SMYD3: variants seen among roughly 807,000 people sequenced by gnomAD.
SMYD3 encodes histone-lysine N-methyltransferase SMYD3.
SMYD3 carries 36 observed loss-of-function variants against 57.7 expected under a neutral mutation model. The ratio of observed to expected loss-of-function variants is 0.62; its 90% confidence interval spans 0.48 to 0.82. SMYD3 has a LOEUF of 0.82. Ranked by LOEUF, SMYD3 falls within the 40% of genes least tolerant of loss-of-function variation. SMYD3 has a pLI of 0.00. For missense variants in SMYD3, 515 were observed against 538.8 expected (o/e 0.96, Z 0.44); for synonymous variants, 211 against 195.0 (o/e 1.08, Z -0.68).
chr1:245,986,626 G>C (rs1034663927), intron 5 of SMYD3, among the ~76,000 whole-genome samples: 1 of 152,054 alleles, frequency 6.6e-6, no homozygotes, highest in Non-Finnish European at 1.5e-5. Flanking sequence ...CTTCAGTGAC[G>C]GTTTTACTGC....
rs535974080 is a variant in SMYD3, at chr1:245,925,193, G to A, written c.702+2738C>T. Reference sequence around the variant, plus strand: ...CAAAATGTCTAAAATTTTTTCCCAAGGAATTTTAACTTTCAAAAAATTAAT... The same window carrying A: ...CAAAATGTCTAAAATTTTTTCCCAAAGAATTTTAACTTTCAAAAAATTAAT... On this transcript the variant is annotated intron_variant, in intron 7 of 11. Coordinates refer to ENST00000490107, the MANE Select transcript of SMYD3 (RefSeq NM_001167740.2). 1.9e-3 allele frequency among the ~76,000 whole-genome samples: 291 copies of A among 152,070 alleles called. 1 individual carries two copies. Among genetic ancestry groups the A allele is most frequent in the African/African-American group, 6.8e-3 (280 of 41,460 alleles).
chr1:245,801,166 G>A (rs950812240), intron 10 of SMYD3, among the ~76,000 whole-genome samples: 3 of 152,080 alleles, frequency 2.0e-5, no homozygotes, highest in Non-Finnish European at 4.4e-5. Flanking sequence ...TTTTTGTCTG[G>A]GTGTGCTACG....
At chr1:245,996,025 T>C (rs373450114) in intron 5 of SMYD3, among the ~76,000 whole-genome samples, 8 of 152,230 alleles carry the variant, frequency 5.3e-5, no homozygotes, top group East Asian at 1.9e-4. Context: ...GTTTGGGGAC[T>C]GAGTTTTATA....
chr1:246,092,011 AT>A (rs905878504), intron 5 of SMYD3, among the ~76,000 whole-genome samples: 23 of 151,908 alleles, frequency 1.5e-4, no homozygotes, highest in South Asian at 6.2e-4. Context: ...ATTTAACACA[AT>A]TTTTTTTTAA....
At position 246,034,239 on chromosome 1, in the gene SMYD3, T is replaced by A. The variant is rs74458498; in HGVS notation, c.532-104302A>T. 7.4e-3 allele frequency among the ~76,000 whole-genome samples: 1,121 copies of A among 152,302 alleles called. 6 individuals carry two copies. Among genetic ancestry groups the A allele is most frequent in the Middle Eastern group, 0.034 (10 of 294 alleles). On this transcript the variant is annotated intron_variant, in intron 5 of 11. Coordinates refer to ENST00000490107, the MANE Select transcript of SMYD3 (RefSeq NM_001167740.2). ...AAGGGTCTGATCATAACATACACAC[T>A]TTTTGGAACATTTAGCCTTTTTTTC...
chr1:246,276,996 C>T (rs576012525), intron 5 of SMYD3, among the ~76,000 whole-genome samples: 1 of 152,256 alleles, frequency 6.6e-6, no homozygotes, highest in African/African-American at 2.4e-5. Context: ...TTCCCATCTG[C>T]AAAATGGGGG....
intron 5 of SMYD3, among the ~76,000 whole-genome samples, chr1:246,303,105 C>CTG (rs900521519): frequency 2.6e-5 from 4 of 152,210 alleles, no homozygotes; most frequent in African/African-American, 9.7e-5. Flanking sequence ...TCTATGCTCT[C>CTG]AAGTCAGGCT....
At chr1:246,190,056 G>T (rs1248836705) in intron 5 of SMYD3, among the ~76,000 whole-genome samples, 3 of 152,172 alleles carry the variant, frequency 2.0e-5, no homozygotes, top group African/African-American at 4.8e-5. Context: ...ATCTGAGGAA[G>T]GATCTCAAAG....
chr1:245,823,013 G>A (rs545570892), intron 10 of SMYD3, among the ~76,000 whole-genome samples: 2 of 152,274 alleles, frequency 1.3e-5, no homozygotes, highest in East Asian at 3.9e-4. Context: ...CTAGCAAAGG[G>A]ATTTTCAGTC....
At chr1:246,346,449 GA>G (rs1353833358) in intron 2 of SMYD3, among the ~76,000 whole-genome samples, 2 of 139,962 alleles carry the variant, frequency 1.4e-5, no homozygotes, top group Admixed American at 7.5e-5. Context: ...ATGCTGCTAT[GA>G]AAAAATACTC....
intron 10 of SMYD3, among the ~76,000 whole-genome samples, chr1:245,835,678 G>C (rs184956172): frequency 6.6e-6 from 1 of 152,240 alleles, no homozygotes. Context: ...TAACACCCCA[G>C]TTTTAGGAAG....
At chr1:245,868,045 A>C (rs1293439535) in intron 8 of SMYD3, among the ~76,000 whole-genome samples, 13 of 152,250 alleles carry the variant, frequency 8.5e-5, no homozygotes, top group Admixed American at 8.5e-4. Flanking sequence ...GCACAGTCTT[A>C]TATTTAACAA....
chr1:246,265,620 G>C (rs183701254), intron 5 of SMYD3, among the ~76,000 whole-genome samples: 6 of 152,250 alleles, frequency 3.9e-5, no homozygotes, highest in Admixed American at 3.3e-4. Flanking sequence ...GCAGCTCTCA[G>C]TATAAACAAA....
At chr1:245,757,321 C>T (rs1175048390) in intron 11 of SMYD3, among the ~76,000 whole-genome samples, 7 of 151,948 alleles carry the variant, frequency 4.6e-5, no homozygotes, top group Admixed American at 1.3e-4. Flanking sequence ...CAATTTTATT[C>T]CTTTTTAAGG....
intron 10 of SMYD3, among the ~76,000 whole-genome samples, chr1:245,849,592 C>T (rs912566897): frequency 2.0e-5 from 3 of 152,122 alleles, no homozygotes; most frequent in African/African-American, 4.8e-5. Context: ...AGGATTATCA[C>T]TTCTGATTTG....
chr1:245,805,722 G>A (rs2048116384), intron 10 of SMYD3, among the ~76,000 whole-genome samples: 1 of 151,948 alleles, frequency 6.6e-6, no homozygotes, highest in Non-Finnish European at 1.5e-5. Flanking sequence ...TGTGGCTCCA[G>A]GCAATCAAAA....
chr1:246,344,816 T>G lies in SMYD3; in HGVS notation c.229-9342A>C, dbSNP rs2065686288. 2.6e-5 allele frequency among the ~76,000 whole-genome samples: 4 copies of G among 152,240 alleles called. No individual in the cohort carries two copies. The South Asian group carries it at 8.3e-4, about 31-fold the overall frequency. ...ATTATGGTTTTAATTTTCATTTATC[T>G]GGTGACCAGTGACAATGATTATCTT... On this transcript the variant is annotated intron_variant, in intron 2 of 11. Transcript: ENST00000490107.
At chr1:246,320,899 C>T (rs943004784) in intron 5 of SMYD3, among the ~76,000 whole-genome samples, 1 of 152,154 alleles carries the variant, frequency 6.6e-6, no homozygotes, top group African/African-American at 2.4e-5. Context: ...AACATGACAA[C>T]TGAAGCACGC....
At chr1:246,042,743 C>T in intron 5 of SMYD3, among the ~76,000 whole-genome samples, 1 of 130,540 alleles carries the variant, frequency 7.7e-6, no homozygotes, top group South Asian at 2.6e-4. Flanking sequence ...CTAAGCTCAA[C>T]ACACACTTCA....
Sources: allele counts gnomAD v4.1 joint callset (sites outside exome capture counted in the v4.1 genomes callset), GRCh38; gene constraint gnomAD v4.1.1; transcripts MANE v1.5; gene names NCBI Gene and HGNC (gene_info 2026-07-23, HGNC 2026-07-21).